KIF26B: variants seen among roughly 807,000 people sequenced by gnomAD.
KIF26B encodes kinesin-like protein KIF26B.
Under a neutral mutation model 151.2 loss-of-function variants are expected in KIF26B, and 63 were observed. The ratio of observed to expected loss-of-function variants is 0.42; its 90% CI spans 0.34 to 0.51. KIF26B has a LOEUF of 0.51. Ranked by LOEUF, KIF26B falls within the 20% of genes least tolerant of loss-of-function variation. The pLI, the probability that KIF26B is intolerant of heterozygous loss-of-function variation, is 0.07. For missense variants in KIF26B, 2,813 were observed against 2,913.6 expected, an observed-to-expected ratio of 0.97 and a Z score of 0.79; for synonymous variants, 1,357 against 1,262.1, an observed-to-expected ratio of 1.08 and a Z score of -1.59.
Position 245,243,481 on chromosome 1 carries a change from T to TATATAC in KIF26B, c.465+86799_465+86800insTATACA, listed in dbSNP as rs879880728. Among the ~76,000 whole-genome samples, 818 of 151,694 alleles carry TATATAC rather than the reference T, an allele frequency of 5.4e-3. 4 individuals are homozygous for TATATAC. Among genetic ancestry groups the TATATAC allele is most frequent in the Non-Finnish European group, 8.4e-3 (571 of 67,882 alleles). On this transcript the variant is annotated intron_variant, in intron 2 of 14. Coordinates refer to ENST00000407071, the MANE Select transcript of KIF26B (RefSeq NM_018012.4). ...ACACACACACACACACATATATATA[T>TATATAC]ACACACATACATAAAAGGATCTTTT...
At chr1:245,439,810 G>A (rs1481344237) in intron 4 of KIF26B, among the ~76,000 whole-genome samples, 2 of 152,178 alleles carry the variant, frequency 1.3e-5, no homozygotes, top group Non-Finnish European at 2.9e-5. Flanking sequence ...AGATCACCAG[G>A]AGTAACTAAA....
chr1:245,337,095 T>G (rs139844552), intron 2 of KIF26B, among the ~76,000 whole-genome samples: 48 of 152,304 alleles, frequency 3.2e-4, no homozygotes, highest in African/African-American at 1.1e-3. Flanking sequence ...GAAGCAATTC[T>G]GTGTGTATGT....
At chr1:245,434,973 GTCCATCCA>G (rs371849206) in intron 4 of KIF26B, among the ~76,000 whole-genome samples, 121 of 135,750 alleles carry the variant, frequency 8.9e-4, no homozygotes, top group African/African-American at 2.4e-3. Flanking sequence ...ATGCTCTTTT[GTCCATCCA>G]TCCATCCATC....
intron 8 of KIF26B, among the ~76,000 whole-genome samples, chr1:245,610,306 C>T (rs2043505538): frequency 6.6e-6 from 1 of 152,200 alleles, no homozygotes; most frequent in South Asian, 2.1e-4. Context: ...TGACCATGCT[C>T]TTCCCCTGCT....
intron 9 of KIF26B, among the ~76,000 whole-genome samples, chr1:245,616,321 G>A (rs574194931): frequency 1.3e-5 from 2 of 152,304 alleles, no homozygotes; most frequent in South Asian, 4.1e-4. Flanking sequence ...TCTGCTTTGC[G>A]AAGCTAAATC....
chr1:245,420,257 C>G (rs542325035), intron 4 of KIF26B, among the ~76,000 whole-genome samples: 21 of 152,156 alleles, frequency 1.4e-4, no homozygotes, highest in Non-Finnish European at 2.8e-4. Flanking sequence ...TACTCTCCAG[C>G]TAATCTTGGG....
chr1:245,682,182 T>C (rs1399278308), intron 10 of KIF26B, among the ~76,000 whole-genome samples: 1 of 152,116 alleles, frequency 6.6e-6, no homozygotes, highest in Non-Finnish European at 1.5e-5. Context: ...GAGGCGGAGA[T>C]TGCAGTGAGC....
intron 14 of KIF26B, among the ~76,000 whole-genome samples, chr1:245,701,745 C>CGTCTCTTCAGAGCTT (rs1372420128): frequency 6.6e-6 from 1 of 152,200 alleles, no homozygotes; most frequent in Admixed American, 6.5e-5. Flanking sequence ...TCCCAGAGCT[C>CGTCTCTTCAGAGCTT]GTCTCTTCAG....
intron 4 of KIF26B, among the ~76,000 whole-genome samples, chr1:245,476,893 C>A (rs1558181656): frequency 6.6e-6 from 1 of 151,808 alleles, no homozygotes; most frequent in East Asian, 1.9e-4. Context: ...CATGCACCCC[C>A]ATAGTTCAAA....
At chr1:245,409,485 G>A (rs943987936) in intron 3 of KIF26B, among the ~76,000 whole-genome samples, 2 of 152,192 alleles carry the variant, frequency 1.3e-5, no homozygotes, top group African/African-American at 4.8e-5. Context: ...CATCATGCAA[G>A]GCAGAGTGCT....
intron 10 of KIF26B, among the ~76,000 whole-genome samples, chr1:245,660,941 G>A (rs1318901063): frequency 6.6e-6 from 1 of 151,608 alleles, no homozygotes; most frequent in Non-Finnish European, 1.5e-5. Context: ...TCAACCTCCT[G>A]TAGCTGGGAC....
At position 245,602,486 on chromosome 1, in the gene KIF26B, T is replaced by C. The variant is rs921846644; in HGVS notation, c.1351-91T>C. 5.3e-6 allele frequency: 5 copies of C among 936,362 alleles called. No individual in the cohort carries two copies. Among genetic ancestry groups the C allele is most frequent in the African/African-American group, 1.6e-5 (1 of 61,170 alleles). 58.0% of individuals were successfully genotyped at this position (936,362 alleles called of 1,614,324 possible). A position where few individuals can be genotyped will look rare whatever the true frequency, so the allele number is the denominator to read the frequency against. On this transcript the variant is annotated intron_variant, in intron 5 of 14. Transcript: ENST00000407071. This position sits in a 1 kb window ranked among gnomAD's most constrained non-coding sequence, Gnocchi z 4.5. The stretch of plus-strand genomic sequence containing the variant: ...ATCCTGAGAAAGTTCAGTGCTGCCA[T>C]GTGCATGTATATCGCAGAGTATACA...
At chr1:245,470,016 G>T (rs772958224) in intron 4 of KIF26B, among the ~76,000 whole-genome samples, 2 of 152,072 alleles carry the variant, frequency 1.3e-5, no homozygotes, top group Non-Finnish European at 2.9e-5. Context: ...TCTCGGGGGA[G>T]AAATGGGGTT....
At chr1:245,383,339 G>A (rs532214067) in intron 3 of KIF26B, among the ~76,000 whole-genome samples, 52 of 152,142 alleles carry the variant, frequency 3.4e-4, no homozygotes, top group African/African-American at 1.2e-3. Context: ...GTCTGAACAC[G>A]GTATCCGTGT....
At position 245,358,536 on chromosome 1, in the gene KIF26B, A is replaced by G. The variant is rs577678132; in HGVS notation, c.466-8298A>G. 3.8e-4 allele frequency among the ~76,000 whole-genome samples: 58 copies of G among 151,464 alleles called. No homozygotes were observed. The highest frequency in any genetic ancestry group is 6.8e-4 in the Non-Finnish European group (46 of 67,934). ...CTCCGTCTCAAAACAAAACAAAACA[A>G]AACAAAACAGCCAAGTACATTTATG... On this transcript the variant is annotated intron_variant, in intron 2 of 14. Transcript: ENST00000407071. This position sits in a 1 kb window ranked among gnomAD's most constrained non-coding sequence, Gnocchi z 4.1.
At chr1:245,700,290 T>C (rs2147969799) in intron 14 of KIF26B, among the ~76,000 whole-genome samples, 1 of 152,180 alleles carries the variant, frequency 6.6e-6, no homozygotes, top group East Asian at 1.9e-4. Flanking sequence ...TTGTGAGGTA[T>C]AAATCAGTTC....
At chr1:245,435,220 C>T (rs1244338620) in intron 4 of KIF26B, among the ~76,000 whole-genome samples, 1 of 152,152 alleles carries the variant, frequency 6.6e-6, no homozygotes, top group African/African-American at 2.4e-5. Flanking sequence ...TGCTGTATGC[C>T]AGGTATTGTG....
At chr1:245,220,374 A>G (rs1162967304) in intron 2 of KIF26B, among the ~76,000 whole-genome samples, 2 of 152,092 alleles carry the variant, frequency 1.3e-5, no homozygotes, top group Admixed American at 6.6e-5. Flanking sequence ...CAGTGTCGGA[A>G]CTGAGACTTG....
intron 2 of KIF26B, among the ~76,000 whole-genome samples, chr1:245,233,684 C>T (rs1670045071): frequency 6.6e-6 from 1 of 152,084 alleles, no homozygotes; most frequent in South Asian, 2.1e-4. Context: ...GACACATATT[C>T]CAAATCTCAT....
Sources: allele counts gnomAD v4.1 joint callset (sites outside exome capture counted in the v4.1 genomes callset), GRCh38; gene constraint gnomAD v4.1.1; non-coding constraint Gnocchi (gnomAD v3.1); transcripts MANE v1.5; gene names NCBI Gene and HGNC (gene_info 2026-07-23, HGNC 2026-07-21).